EDARADD: variants seen among roughly 807,000 people sequenced by gnomAD.
EDARADD encodes EDAR associated via death domain.
In EDARADD, 20 loss-of-function variants were observed where a neutral mutation model predicts 25.6. The observed-to-expected ratio is 0.78, with a 90% CI of 0.55 to 1.14. The LOEUF is 1.14. Among genes scored for constraint, EDARADD ranks in the 50% most tolerant of loss-of-function variants. The pLI is 0.00. For synonymous variants in EDARADD, 86 were observed against 94.4 expected (o/e 0.91, Z 0.52); for missense variants, 225 against 270.1 (o/e 0.83, Z 1.17).
intron 5 of EDARADD, among the ~76,000 whole-genome samples, chr1:236,481,233 C>G (rs1316785464): frequency 6.6e-6 from 1 of 152,130 alleles, no homozygotes; most frequent in African/African-American, 2.4e-5. Flanking sequence ...GTTAAACTGT[C>G]AGGGCTGACT....
intron 3 of EDARADD, among the ~76,000 whole-genome samples, chr1:236,386,370 G>A (rs1304413080): frequency 3.2e-5 from 1 of 31,740 alleles, no homozygotes; most frequent in African/African-American, 9.1e-5. Context: ...CTGCCTGGCC[G>A]CCCATTGTCT....
In EDARADD at chr1:236,451,999, A is replaced by G. The variant is rs114850339; in HGVS notation, c.220-16232A>G. On this transcript the variant is annotated intron_variant, in intron 4 of 5. Coordinates refer to ENST00000334232, the MANE Select transcript of EDARADD (RefSeq NM_145861.4). ...CAGAAGGCACTGGTGCATGTGACCCATGGAAAACATGCCCCACTGTGCCAT... is the reference window on the plus strand; with the variant it reads ...CAGAAGGCACTGGTGCATGTGACCCGTGGAAAACATGCCCCACTGTGCCAT... 4.1e-3 allele frequency among the ~76,000 whole-genome samples: 625 copies of G among 152,250 alleles called. 5 individuals are homozygous for G. The highest frequency in any genetic ancestry group is 0.014 in the African/African-American group (602 of 41,562).
At chr1:236,391,714 G>T (rs1667427026), upstream of EDARADD, among the ~76,000 whole-genome samples, 1 of 152,110 alleles carries the variant, frequency 6.6e-6, no homozygotes, top group African/African-American at 2.4e-5. Context: ...CATAAAATAA[G>T]CAAAAACATG....
At chr1:236,446,749 C>G (rs1282556088) in intron 4 of EDARADD, among the ~76,000 whole-genome samples, 2 of 152,122 alleles carry the variant, frequency 1.3e-5, no homozygotes, top group African/African-American at 2.4e-5. Context: ...AATAGTGTTA[C>G]ATGTTTCATT....
rs72753314 is a variant in EDARADD, at chr1:236,377,469, A to T, written c.-6+26630A>T. 2.5e-3 allele frequency among the ~76,000 whole-genome samples: 377 copies of T among 150,860 alleles called. 3 individuals carry two copies. In the Middle Eastern group the frequency reaches 0.041, roughly 16 times the overall value. On this transcript the variant is annotated intron_variant, in intron 3 of 7. Transcript: ENST00000439430. ...CCACGCCCAGCCCAGCCCTTAACAA[A>T]TTAATAATAGTTATTTTAAATTCCC...
At chr1:236,351,888 G>T (rs908394055) in intron 3 of EDARADD, among the ~76,000 whole-genome samples, 1 of 152,038 alleles carries the variant, frequency 6.6e-6, no homozygotes, top group African/African-American at 2.4e-5. Context: ...ATATTCATGA[G>T]AATTCCTGGA....
intron 5 of EDARADD, 110 bp from the exon 6 acceptor site, chr1:236,482,157 T>C (rs1659694650): frequency 7.8e-7 from 1 of 1,283,378 alleles, no homozygotes; most frequent in African/African-American, 1.5e-5. Flanking sequence ...TCTGAAATAG[T>C]CTTCCATATG....
At chr1:236,467,576 C>A (rs1041959141) in intron 4 of EDARADD, among the ~76,000 whole-genome samples, 2 of 151,906 alleles carry the variant, frequency 1.3e-5, no homozygotes, top group South Asian at 2.1e-4. Flanking sequence ...GAGATTTGGA[C>A]GCCACTTTTT....
At chr1:236,390,778 T>A (rs536112672), upstream of EDARADD, among the ~76,000 whole-genome samples, 1 of 152,190 alleles carries the variant, frequency 6.6e-6, no homozygotes, top group Non-Finnish European at 1.5e-5. Flanking sequence ...ACCAATTTTC[T>A]CATGCCACTT....
chr1:236,417,510 T>C (rs1657670270), intron 3 of EDARADD, among the ~76,000 whole-genome samples: 1 of 152,208 alleles, frequency 6.6e-6, no homozygotes, highest in African/African-American at 2.4e-5. Flanking sequence ...AAATTATATC[T>C]GTTTTCTCAT....
At chr1:236,462,520 G>A (rs1659065379) in intron 4 of EDARADD, among the ~76,000 whole-genome samples, 1 of 151,972 alleles carries the variant, frequency 6.6e-6, no homozygotes, top group African/African-American at 2.4e-5. Context: ...ATTCCCCCGT[G>A]GGCTGCACAT....
At chr1:236,363,896 T>C (rs1450906998) in intron 3 of EDARADD, among the ~76,000 whole-genome samples, 2 of 151,946 alleles carry the variant, frequency 1.3e-5, no homozygotes, top group Admixed American at 6.6e-5. Context: ...CCAGGCTTAG[T>C]GGCTCACACC....
chr1:236,457,812 C>G lies in EDARADD; in HGVS notation c.220-10419C>G, dbSNP rs1658914930. ...CCAGCCTGGGTGACAGAGCAAGACT[C>G]TGTCCCCCACCAAAAAAAAAAAAAA... On this transcript the variant is annotated intron_variant, in intron 4 of 5. Coordinates refer to ENST00000334232, the MANE Select transcript of EDARADD (RefSeq NM_145861.4). 2.2e-5 allele frequency among the ~76,000 whole-genome samples: 3 copies of G among 138,014 alleles called. No individual in the cohort carries two copies. In the South Asian group the frequency reaches 7.2e-4, roughly 33 times the overall value. The allele number at this position is 138,014 out of a possible 152,430, so 90.5% of individuals were successfully genotyped here.
In EDARADD at chr1:236,484,677, C is replaced by T. The variant is rs901502196; in HGVS notation, c.*2028C>T. ...GAGCCGAGATTGCGCCACTGCACAC[C>T]AGTCTGGAGACAGAGTGAGAGTCCG... On this transcript the variant is annotated 3_prime_UTR_variant, in exon 6 of 6. Transcript: ENST00000334232. The surrounding 1 kb of genome is among the most constrained non-coding windows in gnomAD (Gnocchi z 4.1). 9.5e-6 allele frequency: 4 copies of T among 419,326 alleles called. No homozygotes were observed. The Admixed American group carries it at 1.1e-4, about 11-fold the overall frequency. 26.0% of individuals were successfully genotyped at this position (419,326 alleles called of 1,614,324 possible). A position where few individuals can be genotyped will look rare whatever the true frequency, so the allele number is the denominator to read the frequency against.
chr1:236,361,382 C>T (rs150439484), intron 3 of EDARADD, among the ~76,000 whole-genome samples: 18 of 152,008 alleles, frequency 1.2e-4, no homozygotes, highest in African/African-American at 4.3e-4. Context: ...GTGGCGCGAT[C>T]TCGGCTCACT....
chr1:236,354,202 C>T (rs765629328), intron 3 of EDARADD, among the ~76,000 whole-genome samples: 1 of 152,136 alleles, frequency 6.6e-6, no homozygotes, highest in Non-Finnish European at 1.5e-5. Context: ...GGTATTGCAG[C>T]GCCTACCCAG....
At chr1:236,385,089 C>CTTTTTTTTT (rs34509027) in intron 3 of EDARADD, among the ~76,000 whole-genome samples, 5 of 121,988 alleles carry the variant, frequency 4.1e-5, no homozygotes, top group African/African-American at 1.0e-4. Context: ...CCTTTTGATT[C>CTTTTTTTTT]TTTTTTTTTT....
At chr1:236,405,923 TTC>T (rs35823267) in intron 1 of EDARADD, among the ~76,000 whole-genome samples, 3,574 of 46,780 alleles carry the variant, frequency 0.076, 243 homozygotes, top group Admixed American at 0.094. Context: ...CTTTCTTTCT[TTC>T]TCTTTCCTTT....
chr1:236,376,730 A>C (rs1667229622), intron 3 of EDARADD, among the ~76,000 whole-genome samples: 1 of 152,130 alleles, frequency 6.6e-6, no homozygotes, highest in African/African-American at 2.4e-5. Context: ...TATGGGGGGA[A>C]ATACACAGTC....
Sources: gnomAD v4.1 joint callset for allele counts (sites outside exome capture counted in the v4.1 genomes callset) on GRCh38, gnomAD v4.1.1 for gene constraint, Gnocchi (gnomAD v3.1) non-coding constraint, MANE v1.5 for transcripts, NCBI Gene and HGNC (gene_info 2026-07-23, HGNC 2026-07-21) for gene names.